The following TSHZ3 variants were observed in gnomAD, a reference collection of about 807,000 sequenced individuals.
TSHZ3 encodes teashirt homolog 3.
TSHZ3 carries 10 observed loss-of-function variants against 64.5 expected under a neutral mutation model. That is an observed-to-expected ratio of 0.16 (90% CI 0.10 to 0.26). The LOEUF (loss-of-function observed/expected upper bound fraction) is 0.26. Ranked by LOEUF, TSHZ3 falls within the 10% of genes least tolerant of loss-of-function variation. TSHZ3 has a pLI of 1.00. For synonymous variants in TSHZ3, 608 were observed against 593.1 expected (o/e 1.03, Z -0.36); for missense variants, 1,242 against 1,421.7 (o/e 0.87, Z 2.03).
intron 4 of TSHZ3, among the ~76,000 whole-genome samples, chr19:31,209,991 T>A (rs1975242620): frequency 6.6e-6 from 1 of 151,350 alleles, no homozygotes; most frequent in African/African-American, 2.4e-5. Context: ...AGAAGGGGAG[T>A]TGATTTTGAA....
intron 1 of TSHZ3, among the ~76,000 whole-genome samples, chr19:31,284,336 C>T (rs368858395): frequency 4.6e-5 from 7 of 152,024 alleles, no homozygotes; most frequent in Admixed American, 6.6e-5. Flanking sequence ...CAACCAACTC[C>T]CTGACTCCAG....
At chr19:31,215,074 G>A (rs1042058877) in intron 4 of TSHZ3, among the ~76,000 whole-genome samples, 2 of 152,100 alleles carry the variant, frequency 1.3e-5, no homozygotes, top group African/African-American at 4.8e-5. Context: ...CGGTTGGTTG[G>A]CTATACATCT....
intron 1 of TSHZ3, among the ~76,000 whole-genome samples, chr19:31,327,678 G>A (rs1420404463): frequency 4.6e-5 from 7 of 152,102 alleles, no homozygotes; most frequent in Non-Finnish European, 8.8e-5. Flanking sequence ...TAAATATACA[G>A]TGTATATGTA....
intron 5 of TSHZ3, among the ~76,000 whole-genome samples, chr19:31,158,290 TCATTA>T (rs1974331550): frequency 6.6e-6 from 1 of 152,202 alleles, no homozygotes. Flanking sequence ...TATATGTATC[TCATTA>T]ACAATTCATC....
chr19:31,191,146 T>C (rs1974899608), intron 5 of TSHZ3, among the ~76,000 whole-genome samples: 2 of 152,130 alleles, frequency 1.3e-5, no homozygotes, highest in Admixed American at 6.5e-5. Flanking sequence ...ATGACTAAAA[T>C]ATTGCTGAAC....
At chr19:31,334,225 C>T (rs910626523) in intron 1 of TSHZ3, among the ~76,000 whole-genome samples, 41 of 152,140 alleles carry the variant, frequency 2.7e-4, no homozygotes, top group Admixed American at 2.5e-3. Flanking sequence ...GAGAAAATAA[C>T]ACCACCGCAG....
At chr19:31,191,681 A>G (rs887948224) in intron 5 of TSHZ3, among the ~76,000 whole-genome samples, 1 of 151,864 alleles carries the variant, frequency 6.6e-6, no homozygotes, top group Admixed American at 6.6e-5. Context: ...ACATAGTGAG[A>G]CCCCATCCCT....
chr19:31,329,903 G>T (rs890261404), intron 1 of TSHZ3, among the ~76,000 whole-genome samples: 2 of 151,902 alleles, frequency 1.3e-5, no homozygotes, highest in African/African-American at 4.8e-5. Flanking sequence ...ATTGTTGTGT[G>T]TTTTTTTTCC....
chr19:31,237,739 C>G (rs1465432571), intron 3 of TSHZ3, among the ~76,000 whole-genome samples: 1 of 152,158 alleles, frequency 6.6e-6, no homozygotes. Flanking sequence ...GCAAGCTATA[C>G]ATTCTTTTCG....
chr19:31,220,161 T>A (rs1975379743), intron 4 of TSHZ3, among the ~76,000 whole-genome samples: 1 of 152,216 alleles, frequency 6.6e-6, no homozygotes, highest in South Asian at 2.1e-4. Context: ...GAACTATAAC[T>A]ATGCCACATT....
intron 3 of TSHZ3, among the ~76,000 whole-genome samples, chr19:31,240,279 T>C (rs1599600125): frequency 1.3e-5 from 2 of 152,166 alleles, no homozygotes; most frequent in East Asian, 3.8e-4. Context: ...TATCTATCAA[T>C]ATTTATATTA....
At position 31,336,888 on chromosome 19, in the gene TSHZ3, C is replaced by A. The variant is rs3760829; in HGVS notation, c.40+12292G>T. ...TCCAGCATCGTCTTTGAATGTTGAACCTTTTTCAATTAATTAAAAACTATG... is the reference window on the plus strand; with the variant it reads ...TCCAGCATCGTCTTTGAATGTTGAAACTTTTTCAATTAATTAAAAACTATG... On this transcript the variant is annotated intron_variant, in intron 1 of 1. Coordinates refer to ENST00000240587, the MANE Select transcript of TSHZ3 (RefSeq NM_020856.4). Among the ~76,000 whole-genome samples, 9 of 152,292 alleles carry A rather than the reference C, an allele frequency of 5.9e-5. No homozygotes were observed. In the East Asian group the frequency reaches 1.7e-3, roughly 29 times the overall value.
intron 1 of TSHZ3, among the ~76,000 whole-genome samples, chr19:31,306,652 T>C (rs1430595653): frequency 1.3e-5 from 2 of 152,168 alleles, no homozygotes; most frequent in Non-Finnish European, 2.9e-5. Context: ...ATTGCCACCA[T>C]TACCTGCCAT....
At chr19:31,186,959 GTGTATA>G (rs1338157668) in intron 5 of TSHZ3, among the ~76,000 whole-genome samples, 1 of 150,844 alleles carries the variant, frequency 6.6e-6, no homozygotes, top group Non-Finnish European at 1.5e-5. Flanking sequence ...TTTTCCAAAT[GTGTATA>G]TTACAAAATC....
chr19:31,220,977 A>T (rs955585940), intron 4 of TSHZ3, among the ~76,000 whole-genome samples: 1 of 152,238 alleles, frequency 6.6e-6, no homozygotes, highest in Admixed American at 6.5e-5. Context: ...AACAGCATAG[A>T]TGCCAAACTA....
At chr19:31,233,680 T>A (rs1361037900) in intron 3 of TSHZ3, among the ~76,000 whole-genome samples, 3 of 152,162 alleles carry the variant, frequency 2.0e-5, no homozygotes, top group Admixed American at 6.6e-5. Context: ...GTTTTTCTGC[T>A]ATGCTACCTC....
At chr19:31,262,751 A>G (rs1975996583) in intron 1 of TSHZ3, among the ~76,000 whole-genome samples, 1 of 152,166 alleles carries the variant, frequency 6.6e-6, no homozygotes, top group African/African-American at 2.4e-5. Context: ...CTCAGTTGCT[A>G]TCTTTGTAAA....
At chr19:31,324,328 T>G (rs1051153962) in intron 1 of TSHZ3, among the ~76,000 whole-genome samples, 1 of 152,238 alleles carries the variant, frequency 6.6e-6, no homozygotes, top group African/African-American at 2.4e-5. Context: ...GCAGCAAAGT[T>G]TGGAACAAGA....
At chr19:31,308,676 G>C (rs868734772) in intron 1 of TSHZ3, 2 of 398,492 alleles carry the variant, frequency 5.0e-6, no homozygotes, top group African/African-American at 4.1e-5. Flanking sequence ...CACCCACCAC[G>C]TGCTGAGAAC....
Sources: gnomAD v4.1 joint callset for allele counts (sites outside exome capture counted in the v4.1 genomes callset) on GRCh38, gnomAD v4.1.1 for gene constraint, MANE v1.5 for transcripts, NCBI Gene and HGNC (gene_info 2026-07-23, HGNC 2026-07-21) for gene names.